ERBB4: variants seen among roughly 807,000 people sequenced by gnomAD.
The protein encoded by ERBB4 is erb-b2 receptor tyrosine kinase 4.
ERBB4 carries 42 observed loss-of-function variants against 158.0 expected under a neutral mutation model. The observed-to-expected ratio is 0.27, with a 90% CI of 0.21 to 0.34. The LOEUF (loss-of-function observed/expected upper bound fraction) is 0.34, where lower values mean the gene tolerates loss of function less well. ERBB4 is among the 10% of genes least tolerant of loss of function. The pLI is 1.00. For missense variants in ERBB4, 1,333 were observed against 1,624.1 expected (o/e 0.82, Z 3.08); for synonymous variants, 583 against 558.7 (o/e 1.04, Z -0.61).
At position 211,509,104 on chromosome 2, in the gene ERBB4, G is replaced by A. The variant is rs147700593; in HGVS notation, c.2487+52799C>T. Among the ~76,000 whole-genome samples, 750 of 152,124 alleles carry A rather than the reference G, an allele frequency of 4.9e-3. 10 individuals carry two copies. Among genetic ancestry groups the A allele is most frequent in the African/African-American group, 0.017 (707 of 41,534 alleles). ...AGGAACAGAAAACCAAACACCGCATGTTCTCACTCATAAGTGGGAGTTGAA... is the reference window on the plus strand; with the variant it reads ...AGGAACAGAAAACCAAACACCGCATATTCTCACTCATAAGTGGGAGTTGAA... On this transcript the variant is annotated intron_variant, in intron 20 of 27. Transcript: ENST00000342788.
chr2:211,458,637 A>G (rs1395137233), intron 20 of ERBB4, among the ~76,000 whole-genome samples: 1 of 152,168 alleles, frequency 6.6e-6, no homozygotes, highest in Non-Finnish European at 1.5e-5. Flanking sequence ...CAGATGACAA[A>G]AAAATTGTCC....
At chr2:211,727,374 C>T (rs1251158640) in intron 5 of ERBB4, among the ~76,000 whole-genome samples, 1 of 151,848 alleles carries the variant, frequency 6.6e-6, no homozygotes, top group Non-Finnish European at 1.5e-5. Context: ...CCCAACTAAC[C>T]TATGGGTTTA....
chr2:211,725,256 A>C (rs2074229170), intron 5 of ERBB4, 62 bp from the exon 6 acceptor site: 2 of 1,261,794 alleles, frequency 1.6e-6, no homozygotes. Flanking sequence ...TCATAAGCTG[A>C]GTTCTGGAGT....
chr2:211,948,652 C>G (rs924891500), intron 2 of ERBB4, among the ~76,000 whole-genome samples: 1 of 151,334 alleles, frequency 6.6e-6, no homozygotes, highest in Non-Finnish European at 1.5e-5. Context: ...AAATAGTTGT[C>G]AGAATTTAAA....
At chr2:212,530,165 A>T (rs1005380437) in intron 1 of ERBB4, among the ~76,000 whole-genome samples, 2 of 147,216 alleles carry the variant, frequency 1.4e-5, no homozygotes, top group African/African-American at 5.1e-5. Flanking sequence ...AATACCCATA[A>T]AGAGGATCTT....
At chr2:212,524,444 T>C (rs1033129595) in intron 1 of ERBB4, among the ~76,000 whole-genome samples, 2 of 152,002 alleles carry the variant, frequency 1.3e-5, no homozygotes, top group African/African-American at 4.8e-5. Context: ...ACATAGATGA[T>C]AGTCATCATA....
intron 25 of ERBB4, among the ~76,000 whole-genome samples, chr2:211,418,951 G>GA (rs1426334914): frequency 1.3e-5 from 2 of 151,958 alleles, no homozygotes; most frequent in African/African-American, 4.8e-5. Context: ...TAACAGAAAA[G>GA]AAAAAATAAT....
At chr2:211,738,010 T>G (rs2074659461) in intron 5 of ERBB4, among the ~76,000 whole-genome samples, 1 of 151,916 alleles carries the variant, frequency 6.6e-6, no homozygotes, top group East Asian at 2.0e-4. Context: ...GAACATTCGT[T>G]TCATGCATAT....
intron 16 of ERBB4, among the ~76,000 whole-genome samples, chr2:211,654,795 A>G (rs2071147654): frequency 6.6e-6 from 1 of 152,102 alleles, no homozygotes; most frequent in Non-Finnish European, 1.5e-5. Flanking sequence ...CTTTTTACCT[A>G]TATTGTGGGC....
At chr2:211,457,820 G>A (rs1228463159) in intron 20 of ERBB4, among the ~76,000 whole-genome samples, 2 of 152,178 alleles carry the variant, frequency 1.3e-5, no homozygotes, top group Admixed American at 1.3e-4. Flanking sequence ...CTTCTATTGA[G>A]ACTATTTCAA....
intron 2 of ERBB4, among the ~76,000 whole-genome samples, chr2:211,999,942 A>G (rs1202249886): frequency 6.6e-6 from 1 of 151,794 alleles, no homozygotes; most frequent in Non-Finnish European, 1.5e-5. Flanking sequence ...ATGATTATAT[A>G]AAATAAAATA....
intron 4 of ERBB4, among the ~76,000 whole-genome samples, chr2:211,757,905 G>A (rs958631631): frequency 6.6e-6 from 1 of 152,200 alleles, no homozygotes; most frequent in Non-Finnish European, 1.5e-5. Flanking sequence ...GTAGACCTAT[G>A]AGAGTGCCAT....
At chr2:212,015,857 T>C (rs2076516792) in intron 2 of ERBB4, among the ~76,000 whole-genome samples, 1 of 152,170 alleles carries the variant, frequency 6.6e-6, no homozygotes, top group South Asian at 2.1e-4. Flanking sequence ...AGTTTTAGAA[T>C]GCAAAGTCAC....
intron 2 of ERBB4, among the ~76,000 whole-genome samples, chr2:211,968,985 T>G (rs1461201771): frequency 6.6e-6 from 1 of 152,000 alleles, no homozygotes. Context: ...TGAAAGAATT[T>G]AAGATTAAGT....
intron 5 of ERBB4, among the ~76,000 whole-genome samples, chr2:211,735,559 T>C (rs941341798): frequency 6.6e-6 from 1 of 152,158 alleles, no homozygotes; most frequent in African/African-American, 2.4e-5. Flanking sequence ...GAAAAACAGC[T>C]TGGCTGATGC....
At chr2:212,002,806 C>A (rs1340556048) in intron 2 of ERBB4, among the ~76,000 whole-genome samples, 5 of 151,972 alleles carry the variant, frequency 3.3e-5, no homozygotes, top group Admixed American at 3.3e-4. Flanking sequence ...CGCCTGTAAT[C>A]CCAGCACTTT....
chr2:211,780,262 G>A (rs2076002656), intron 4 of ERBB4, among the ~76,000 whole-genome samples: 1 of 152,128 alleles, frequency 6.6e-6, no homozygotes, highest in South Asian at 2.1e-4. Flanking sequence ...TACTCAAGAG[G>A]CTGAAACAGG....
At chr2:212,290,809 C>A (rs10205716) in intron 1 of ERBB4, among the ~76,000 whole-genome samples, 81,272 of 151,726 alleles carry the variant, frequency 0.54, 25,413 homozygotes, top group East Asian at 0.83. Context: ...ATATACCATG[C>A]AGTAGGCATT....
chr2:212,170,114 T>C (rs1029669402), intron 1 of ERBB4, among the ~76,000 whole-genome samples: 6 of 152,128 alleles, frequency 3.9e-5, no homozygotes, highest in African/African-American at 1.4e-4. Flanking sequence ...CAGGAAACTA[T>C]GGAAAAGTTT....
Sources: allele counts gnomAD v4.1 joint callset (sites outside exome capture counted in the v4.1 genomes callset), GRCh38; gene constraint gnomAD v4.1.1; transcripts MANE v1.5; gene names NCBI Gene and HGNC (gene_info 2026-07-23, HGNC 2026-07-21).